Variants in NTN4 observed in about 807,000 individuals in gnomAD.
NTN4 encodes the protein netrin 4.
Under a neutral mutation model 73.6 loss-of-function variants are expected in NTN4, and 32 were observed. That is an observed-to-expected ratio of 0.44 (90% CI 0.33 to 0.58). The LOEUF is 0.58. NTN4 is among the 20% of genes least tolerant of loss of function. The pLI, the probability that NTN4 is intolerant of heterozygous loss-of-function variation, is 0.04. For missense variants in NTN4, 654 were observed against 798.3 expected, an observed-to-expected ratio of 0.82 and a Z score of 2.18; for synonymous variants, 258 against 287.5, an observed-to-expected ratio of 0.90 and a Z score of 1.04.
In NTN4 at chr12:95,789,159, G is replaced by A. The variant is rs2079189900; in HGVS notation, c.55+1096C>T. Among the ~76,000 whole-genome samples, 1 of 152,202 alleles carries A rather than the reference G, an allele frequency of 6.6e-6. No homozygotes were observed. Among genetic ancestry groups the A allele is most frequent in the Non-Finnish European group, 1.5e-5 (1 of 68,036 alleles). Reference sequence around the variant, plus strand: ...GGGCAAAATACTTGGAGTCACTCAAGGGACTATTCAATGATACTAAGGATG... The same window carrying A: ...GGGCAAAATACTTGGAGTCACTCAAAGGACTATTCAATGATACTAAGGATG... On this transcript the variant is annotated intron_variant, in intron 1 of 9. Transcript: ENST00000343702. The surrounding 1 kb of genome is among the most constrained non-coding windows in gnomAD (Gnocchi z 4.0).
intron 2 of NTN4, chr12:95,739,917 G>C (rs1478302734): frequency 6.6e-6 from 1 of 152,210 alleles, no homozygotes; most frequent in African/African-American, 2.4e-5. Flanking sequence ...TTCCGCACAG[G>C]CAAAGCCAGA....
intron 2 of NTN4, among the ~76,000 whole-genome samples, chr12:95,747,444 C>T (rs2078870531): frequency 6.6e-6 from 1 of 152,126 alleles, no homozygotes; most frequent in African/African-American, 2.4e-5. Context: ...GCTGGGATTA[C>T]AGGTGCATGC....
intron 2 of NTN4, among the ~76,000 whole-genome samples, chr12:95,754,005 C>G (rs1213772837): frequency 6.6e-6 from 1 of 152,170 alleles, no homozygotes; most frequent in East Asian, 1.9e-4. Context: ...GCCATCATAG[C>G]TGATATCTCC....
At chr12:95,731,481 G>T (rs144633064) in intron 3 of NTN4, among the ~76,000 whole-genome samples, 1 of 152,220 alleles carries the variant, frequency 6.6e-6, no homozygotes, top group Non-Finnish European at 1.5e-5. Flanking sequence ...CAGGAAAATC[G>T]CTTGAATCTG....
chr12:95,735,941 A>T (rs1329915631), intron 3 of NTN4, among the ~76,000 whole-genome samples: 3 of 146,056 alleles, frequency 2.1e-5, no homozygotes, highest in African/African-American at 5.1e-5. Flanking sequence ...TTATTTATTT[A>T]TTTATTTATT....
chr12:95,682,638 G>T, intron 7 of NTN4, 69 bp downstream of exon 7: 1 of 1,028,978 alleles, frequency 9.7e-7, no homozygotes, highest in Non-Finnish European at 1.5e-6. Flanking sequence ...GCTGGACCCT[G>T]GTTTGTCACG....
rs549840438 is a variant in NTN4 at position 95,765,841 on chromosome 12, A to C, written c.585+21098T>G. Among the ~76,000 whole-genome samples, 6 of 152,320 alleles carry C rather than the reference A, an allele frequency of 3.9e-5. No individual in the cohort carries two copies. The East Asian group carries it at 1.2e-3, about 29-fold the overall frequency. ...GATCCAACTTACAAAGGAAGAATCC[A>C]AGGCCCCTAAAATACAGAGATAGCC... On this transcript the variant is annotated intron_variant, in intron 2 of 9. Transcript: ENST00000343702.
chr12:95,735,245 T>C (rs938135967), intron 3 of NTN4, among the ~76,000 whole-genome samples: 1 of 152,160 alleles, frequency 6.6e-6, no homozygotes, highest in Non-Finnish European at 1.5e-5. Context: ...TTTTCTTCTT[T>C]TTTCTTTTTT....
At chr12:95,676,664 G>C (rs1447831040) in intron 7 of NTN4, among the ~76,000 whole-genome samples, 1 of 150,828 alleles carries the variant, frequency 6.6e-6, no homozygotes, top group South Asian at 2.1e-4. Context: ...GACTCACAAA[G>C]GCAGAAAAGG....
chr12:95,771,052 C>G (rs991472752), intron 2 of NTN4, among the ~76,000 whole-genome samples: 64 of 146,256 alleles, frequency 4.4e-4, no homozygotes, highest in African/African-American at 1.5e-3. Flanking sequence ...TGCAGTGGCG[C>G]GATCTCGGCT....
At chr12:95,724,542 C>G (rs189217705) in intron 3 of NTN4, among the ~76,000 whole-genome samples, 15 of 152,332 alleles carry the variant, frequency 9.8e-5, no homozygotes, top group Admixed American at 9.8e-4. Flanking sequence ...TTCAATATAT[C>G]TAAGACTTCA....
At chr12:95,736,373 G>A (rs2078777836) in intron 3 of NTN4, among the ~76,000 whole-genome samples, 1 of 152,114 alleles carries the variant, frequency 6.6e-6, no homozygotes, top group South Asian at 2.1e-4. Context: ...GGGGGCCTCT[G>A]TCATTTTGCT....
intron 2 of NTN4, among the ~76,000 whole-genome samples, chr12:95,776,352 C>T (rs922368588): frequency 1.3e-5 from 2 of 152,162 alleles, no homozygotes; most frequent in African/African-American, 4.8e-5. Context: ...TTCAGACGAC[C>T]AAACTTCTCC....
At chr12:95,662,130 G>A (rs2078142465) in intron 9 of NTN4, among the ~76,000 whole-genome samples, 1 of 152,052 alleles carries the variant, frequency 6.6e-6, no homozygotes, top group Non-Finnish European at 1.5e-5. Flanking sequence ...GCTATTAACA[G>A]AGATGATCTC....
chr12:95,659,754 C>T (rs2078121776), intron 9 of NTN4, among the ~76,000 whole-genome samples: 1 of 152,116 alleles, frequency 6.6e-6, no homozygotes, highest in Non-Finnish European at 1.5e-5. Context: ...ATAATTTTTT[C>T]CTTCTTGTTT....
rs1196626434 is a variant in NTN4, at chr12:95,790,346, T to G, written c.-37A>C. ...GCCGGGAGCAGCCGGGCCGGGCGGG[T>G]GCCGGAGGGAGCCGAGACCTCTGGG... On this transcript the variant is annotated 5_prime_UTR_variant, in exon 1 of 10. Transcript: ENST00000343702. This position sits in a 1 kb window ranked among gnomAD's most constrained non-coding sequence, Gnocchi z 6.5. 2 of 1,510,900 alleles carry G rather than the reference T, an allele frequency of 1.3e-6. No individual in the cohort carries two copies. The highest frequency in any genetic ancestry group is 1.8e-6 in the Non-Finnish European group (2 of 1,129,048). The allele number at this position is 1,510,900 out of a possible 1,614,324, so 93.6% of individuals were successfully genotyped here. A position where few individuals can be genotyped will look rare whatever the true frequency, so the allele number is the denominator to read the frequency against.
chr12:95,753,085 C>A (rs2078922336), intron 2 of NTN4, among the ~76,000 whole-genome samples: 1 of 152,072 alleles, frequency 6.6e-6, no homozygotes, highest in Non-Finnish European at 1.5e-5. Context: ...CTGATATTCA[C>A]CCCATTTCCC....
Position 95,738,046 on chromosome 12 carries a change from C to T in NTN4, c.684G>A (p.Leu228=). The T allele has an allele frequency of 6.2e-7, 1 of 1,614,172 alleles. No individual in the cohort carries two copies. Among genetic ancestry groups the T allele is most frequent in the Non-Finnish European group, 8.5e-7 (1 of 1,180,010 alleles). ...GACAGGGACAAGACTGTCGTTTCAG[C>T]AGCTGCACGCGAAGGTTGGTGATCT... ...QLKITNLRVQ[L]LKRQSCPCQR... The change falls in exon 3 of 10, where the codon CTG becomes CTA. Residue 228 remains leucine, a synonymous_variant. Transcript: ENST00000343702.
intron 6 of NTN4, among the ~76,000 whole-genome samples, 182 bp downstream of exon 6, chr12:95,683,316 C>A (rs1392171411): frequency 1.3e-5 from 2 of 152,212 alleles, no homozygotes; most frequent in Non-Finnish European, 2.9e-5. Flanking sequence ...CCCGCCTCAG[C>A]CTCCCAAAGT....
Sources: gnomAD v4.1 joint callset for allele counts (sites outside exome capture counted in the v4.1 genomes callset) on GRCh38, gnomAD v4.1.1 for gene constraint, Gnocchi (gnomAD v3.1) non-coding constraint, MANE v1.5 for transcripts, NCBI Gene and HGNC (gene_info 2026-07-23, HGNC 2026-07-21) for gene names.